SPAG1: variants seen among roughly 807,000 people sequenced by gnomAD.
SPAG1 encodes sperm-associated antigen 1.
A neutral mutation model predicts 100.5 loss-of-function variants in SPAG1; 69 were observed. That is an observed-to-expected ratio of 0.69 (90% CI 0.57 to 0.84). The LOEUF is 0.84. Among genes scored for constraint, SPAG1 ranks in the 40% least tolerant of loss-of-function variants. SPAG1 has a pLI of 0.00. For missense variants in SPAG1, 955 were observed against 1,133.1 expected (o/e 0.84, Z 2.26); for synonymous variants, 336 against 411.6 (o/e 0.82, Z 2.22).
intron 2 of SPAG1, among the ~76,000 whole-genome samples, chr8:100,162,939 CAG>C (rs1815380051): frequency 1.3e-5 from 2 of 151,616 alleles, no homozygotes; most frequent in South Asian, 2.1e-4. Context: ...GCCTGGGTGA[CAG>C]AGTCTCAAAA....
intron 4 of SPAG1, among the ~76,000 whole-genome samples, chr8:100,179,872 T>A (rs1365167081): frequency 1.3e-5 from 2 of 152,236 alleles, no homozygotes; most frequent in Non-Finnish European, 2.9e-5. Context: ...CACGTCTTCC[T>A]GGAATGCTGT....
intron 3 of SPAG1, among the ~76,000 whole-genome samples, chr8:100,168,647 A>AGT (rs1815673054): frequency 2.1e-5 from 3 of 145,890 alleles, no homozygotes; most frequent in Admixed American, 1.4e-4. Flanking sequence ...TGGCCCCTCA[A>AGT]AGTACTGGGA....
intron 13 of SPAG1, among the ~76,000 whole-genome samples, chr8:100,224,474 A>C (rs142742312): frequency 2.0e-5 from 3 of 152,194 alleles, no homozygotes; most frequent in Admixed American, 2.0e-4. Context: ...CCCGGGAGGC[A>C]GAGGTTGCAG....
intron 1 of SPAG1, among the ~76,000 whole-genome samples, chr8:100,160,103 A>C (rs1328965319): frequency 6.6e-6 from 1 of 152,238 alleles, no homozygotes; most frequent in Admixed American, 6.5e-5. Flanking sequence ...ATTAAGAACT[A>C]TATATTTGTT....
intron 12 of SPAG1, 29 bp from the exon 13 acceptor site, chr8:100,220,250 A>G (rs750788851): frequency 5.0e-6 from 8 of 1,589,032 alleles, no homozygotes; most frequent in Non-Finnish European, 6.0e-6. Context: ...TTCAAAACAA[A>G]TGGTATGTAA....
intron 7 of SPAG1, among the ~76,000 whole-genome samples, chr8:100,185,738 T>C (rs1055441736): frequency 5.9e-5 from 9 of 152,332 alleles, no homozygotes; most frequent in Admixed American, 2.0e-4. Flanking sequence ...TTTTTCCACC[T>C]TTGGAAATAA....
intron 2 of SPAG1, 70 bp downstream of exon 2, chr8:100,162,490 G>C: frequency 1.6e-6 from 2 of 1,240,748 alleles, no homozygotes; most frequent in Non-Finnish European, 2.2e-6. Flanking sequence ...CCTTCTAAAG[G>C]TAAAAGCTAC....
At chr8:100,215,193 G>C (rs1817921771) in intron 12 of SPAG1, among the ~76,000 whole-genome samples, 1 of 150,574 alleles carries the variant, frequency 6.6e-6, no homozygotes, top group Non-Finnish European at 1.5e-5. Flanking sequence ...CCATCCTCTG[G>C]TGTCCTCTGA....
At chr8:100,174,702 T>C (rs1049169190) in intron 3 of SPAG1, among the ~76,000 whole-genome samples, 1 of 152,234 alleles carries the variant, frequency 6.6e-6, no homozygotes, top group Non-Finnish European at 1.5e-5. Context: ...GTTTATTTTC[T>C]GGCATTGCTT....
intron 1 of SPAG1, chr8:100,159,063 A>T (rs1230845837): frequency 2.0e-5 from 3 of 152,082 alleles, no homozygotes; most frequent in Non-Finnish European, 4.4e-5. Flanking sequence ...CTATCATTTC[A>T]TGTGTTTTTA....
Position 100,184,727 on chromosome 8 carries a change from A to T in SPAG1, c.695A>T (p.Tyr232Phe). 3 of 1,569,650 alleles carry T rather than the reference A, an allele frequency of 1.9e-6. No homozygotes were observed. The highest frequency in any genetic ancestry group is 2.6e-6 in the Non-Finnish European group (3 of 1,155,248). ...GATTATGAAGAAGCAGTGATGTATT[A>T]TACCAGGTGAGCAGATGTTTGTTGG... ...SGDYEEAVMY[Y>F]TRSISALPTV... The change falls in exon 7 of 19, where the codon TAT (tyrosine) becomes TTT (phenylalanine). Residue 232 changes from tyrosine (Y) to phenylalanine (F), a missense_variant. Transcript: ENST00000388798.
chr8:100,165,135 T>C, intron 2 of SPAG1: 1 of 391,094 alleles, frequency 2.6e-6, no homozygotes, highest in Non-Finnish European at 5.1e-6. Context: ...TTTCATAGTG[T>C]GTTAAATGCC....
intron 14 of SPAG1, among the ~76,000 whole-genome samples, chr8:100,226,540 A>C (rs967037946): frequency 4.6e-5 from 7 of 152,004 alleles, no homozygotes; most frequent in Non-Finnish European, 4.4e-5. Context: ...CTATCTCTAC[A>C]AAAAAATAGA....
intron 10 of SPAG1, among the ~76,000 whole-genome samples, chr8:100,204,739 A>G (rs1817434025): frequency 6.6e-6 from 1 of 152,170 alleles, no homozygotes; most frequent in Admixed American, 6.5e-5. Context: ...AATGCCTTGT[A>G]AAATAGATTT....
At chr8:100,212,960 A>AG (rs2132350018) in intron 10 of SPAG1, 130 bp from the exon 11 acceptor site, 1 of 667,016 alleles carries the variant, frequency 1.5e-6, no homozygotes, top group South Asian at 2.6e-5. Flanking sequence ...CTCCGCCCGC[A>AG]GGGGCGGTGC....
At chr8:100,217,618 A>T (rs1171749891) in intron 12 of SPAG1, among the ~76,000 whole-genome samples, 3 of 152,150 alleles carry the variant, frequency 2.0e-5, no homozygotes, top group African/African-American at 7.2e-5. Flanking sequence ...TAAAATACTC[A>T]TAATTGTTTA....
At chr8:100,214,899 G>A (rs2132359809) in intron 12 of SPAG1, among the ~76,000 whole-genome samples, 1 of 150,770 alleles carries the variant, frequency 6.6e-6, no homozygotes, top group Non-Finnish European at 1.5e-5. Flanking sequence ...AAAATTGCTT[G>A]AACCTGGGAG....
At chr8:100,171,323 C>A (rs1815839890) in intron 3 of SPAG1, among the ~76,000 whole-genome samples, 1 of 152,096 alleles carries the variant, frequency 6.6e-6, no homozygotes, top group African/African-American at 2.4e-5. Flanking sequence ...ATATCACTGT[C>A]TGGTTTTGGT....
At chr8:100,166,002 T>G in intron 3 of SPAG1, 29 bp downstream of exon 3, 1 of 1,561,012 alleles carries the variant, frequency 6.4e-7, no homozygotes, top group South Asian at 1.2e-5. Flanking sequence ...TTTCCATAGA[T>G]ATTGTTGAGA....
Sources: gnomAD v4.1 joint callset for allele counts (sites outside exome capture counted in the v4.1 genomes callset) on GRCh38, gnomAD v4.1.1 for gene constraint, MANE v1.5 for transcripts, NCBI Gene and HGNC (gene_info 2026-07-23, HGNC 2026-07-21) for gene names.